SLC35F3: variants seen among roughly 807,000 people sequenced by gnomAD.
The protein encoded by SLC35F3 is solute carrier family 35 member F3.
SLC35F3 carries 25 observed loss-of-function variants against 49.9 expected under a neutral mutation model. The ratio of observed to expected loss-of-function variants is 0.50; its 90% confidence interval spans 0.37 to 0.70. SLC35F3 has a LOEUF of 0.70. Ranked by LOEUF, SLC35F3 falls within the 30% of genes least tolerant of loss-of-function variation. The probability of loss-of-function intolerance (pLI) is 0.00; values close to 1 mark genes in which losing one functional copy is unlikely to be tolerated. For missense variants in SLC35F3, 525 were observed against 639.8 expected, an observed-to-expected ratio of 0.82 and a Z score of 1.94; for synonymous variants, 275 against 265.4, an observed-to-expected ratio of 1.04 and a Z score of -0.35.
intron 2 of SLC35F3, among the ~76,000 whole-genome samples, chr1:233,925,682 T>C (rs1662145575): frequency 6.6e-6 from 1 of 152,232 alleles, no homozygotes; most frequent in Non-Finnish European, 1.5e-5. Flanking sequence ...ATTATGATGT[T>C]AGCTGGTTAT....
intron 3 of SLC35F3, among the ~76,000 whole-genome samples, chr1:234,278,839 C>T (rs74522600): frequency 0.06 from 9,177 of 152,186 alleles, 328 homozygotes; most frequent in African/African-American, 0.098. Context: ...AGGGCCCCAA[C>T]GCCATGACCT....
Position 233,966,246 on chromosome 1 carries a change from A to G in SLC35F3, c.283+60488A>G, listed in dbSNP as rs1360726481. On this transcript the variant is annotated intron_variant, in intron 2 of 7. Transcript: ENST00000366618. ...AAAGAAAAAAGAGATAAGAAATGGT[A>G]GGAAAGATTTTCAATAAGAGGTGAC... is the stretch of plus-strand genomic sequence containing the variant. Among the ~76,000 whole-genome samples, 4 of 152,248 alleles carry G rather than the reference A, an allele frequency of 2.6e-5. No individual in the cohort carries two copies. In the East Asian group the frequency reaches 7.7e-4, roughly 29 times the overall value.
chr1:233,970,467 T>C lies in SLC35F3; in HGVS notation c.283+64709T>C, dbSNP rs149696998. Among the ~76,000 whole-genome samples, 827 of 152,276 alleles carry C rather than the reference T, an allele frequency of 5.4e-3. 5 individuals are homozygous for C. The highest frequency in any genetic ancestry group is 0.019 in the African/African-American group (792 of 41,540). The stretch of plus-strand genomic sequence containing the variant: ...TTTGAGGGCTTTTGAATGAGGTGAA[T>C]GTATCTTGCATGAGGAAAAGGACAT... On this transcript the variant is annotated intron_variant, in intron 2 of 7. Transcript: ENST00000366618.
At chr1:233,967,125 G>T (rs887017905) in intron 2 of SLC35F3, among the ~76,000 whole-genome samples, 8 of 152,172 alleles carry the variant, frequency 5.3e-5, no homozygotes, top group Admixed American at 1.3e-4. Flanking sequence ...GTCAAATATT[G>T]CTTGGGACAT....
intron 2 of SLC35F3, among the ~76,000 whole-genome samples, chr1:233,923,428 T>G (rs1473019472): frequency 6.6e-6 from 1 of 152,238 alleles, no homozygotes. Flanking sequence ...GGGAGTTCAC[T>G]CATGATTTGG....
At chr1:234,179,644 G>A (rs1666528006) in intron 2 of SLC35F3, among the ~76,000 whole-genome samples, 1 of 152,044 alleles carries the variant, frequency 6.6e-6, no homozygotes, top group African/African-American at 2.4e-5. Flanking sequence ...TTAATACCTG[G>A]CATCAGCACT....
At position 234,140,539 on chromosome 1, in the gene SLC35F3, T is replaced by C. The variant is rs150478220; in HGVS notation, c.284-90878T>C. ...CCATCCAGTGGGGGGTCTTGGAACA[T>C]ATCCCCATAGATAAGGGTGTCTACT... On this transcript the variant is annotated intron_variant, in intron 2 of 7. Transcript: ENST00000366618. 6.4e-3 allele frequency among the ~76,000 whole-genome samples: 968 copies of C among 152,278 alleles called. 15 individuals are homozygous for C. The highest frequency in any genetic ancestry group is 0.022 in the African/African-American group (916 of 41,566).
chr1:234,281,844 G>C (rs1192469203), intron 3 of SLC35F3, among the ~76,000 whole-genome samples: 1 of 152,062 alleles, frequency 6.6e-6, no homozygotes, highest in African/African-American at 2.4e-5. Context: ...TTGTCTCGGG[G>C]GTAGAGTACA....
chr1:234,297,371 G>A (rs548387377), intron 3 of SLC35F3, among the ~76,000 whole-genome samples: 2 of 152,316 alleles, frequency 1.3e-5, no homozygotes, highest in South Asian at 2.1e-4. Flanking sequence ...ACCACAGCAC[G>A]ATTCACAATA....
intron 3 of SLC35F3, among the ~76,000 whole-genome samples, chr1:234,248,443 G>A (rs1315224183): frequency 3.3e-5 from 5 of 152,232 alleles, no homozygotes; most frequent in African/African-American, 9.7e-5. Context: ...GGGTTGGTTG[G>A]CTGGTCCATT....
At chr1:234,132,758 T>C (rs2102899067) in intron 2 of SLC35F3, among the ~76,000 whole-genome samples, 1 of 152,360 alleles carries the variant, frequency 6.6e-6, no homozygotes, top group South Asian at 2.1e-4. Flanking sequence ...TGCAAAAATG[T>C]TTATTTTGCA....
chr1:234,129,006 A>G (rs1005444015), intron 2 of SLC35F3, among the ~76,000 whole-genome samples: 1 of 152,210 alleles, frequency 6.6e-6, no homozygotes, highest in East Asian at 1.9e-4. Flanking sequence ...CCACACAAAC[A>G]TGTTTTTGTC....
intron 2 of SLC35F3, among the ~76,000 whole-genome samples, chr1:234,081,990 C>T (rs563206804): frequency 4.4e-5 from 6 of 135,704 alleles, no homozygotes; most frequent in East Asian, 2.4e-4. Flanking sequence ...CTCCTGAACT[C>T]GTGATCCACC....
chr1:234,186,910 G>T (rs1247318389), intron 2 of SLC35F3, among the ~76,000 whole-genome samples: 1 of 152,106 alleles, frequency 6.6e-6, no homozygotes, highest in East Asian at 1.9e-4. Flanking sequence ...TTGTTGTTTG[G>T]TTGGTTCTGA....
At chr1:233,993,535 G>A (rs1467555183) in intron 2 of SLC35F3, among the ~76,000 whole-genome samples, 1 of 152,118 alleles carries the variant, frequency 6.6e-6, no homozygotes, top group African/African-American at 2.4e-5. Flanking sequence ...CCTTTCTTAG[G>A]TAATCAAAGA....
chr1:234,079,062 A>G (rs918403974), intron 2 of SLC35F3, among the ~76,000 whole-genome samples: 2 of 152,016 alleles, frequency 1.3e-5, no homozygotes, highest in African/African-American at 4.8e-5. Context: ...GCACTTTCCA[A>G]TTTCAAAAGG....
intron 2 of SLC35F3, among the ~76,000 whole-genome samples, chr1:234,164,261 T>C (rs1057211837): frequency 6.6e-6 from 1 of 151,318 alleles, no homozygotes; most frequent in African/African-American, 2.4e-5. Flanking sequence ...CTTTCCCATC[T>C]CCCTCCCTTA....
At chr1:234,232,419 A>G (rs1385744274) in intron 3 of SLC35F3, among the ~76,000 whole-genome samples, 1 of 141,410 alleles carries the variant, frequency 7.1e-6, no homozygotes, top group African/African-American at 2.7e-5. Context: ...GTAGGTGTTG[A>G]CCCGTGGCGC....
intron 3 of SLC35F3, among the ~76,000 whole-genome samples, chr1:234,297,397 T>C (rs1668620566): frequency 6.6e-6 from 1 of 152,238 alleles, no homozygotes; most frequent in South Asian, 2.1e-4. Context: ...CTTCAATGTT[T>C]ATTGATGGAT....
Sources: allele counts gnomAD v4.1 joint callset (sites outside exome capture counted in the v4.1 genomes callset), GRCh38; gene constraint gnomAD v4.1.1; transcripts MANE v1.5; gene names NCBI Gene and HGNC (gene_info 2026-07-23, HGNC 2026-07-21).